Variants in HIF1A observed in about 807,000 individuals in gnomAD.
HIF1A encodes the protein hypoxia-inducible factor 1-alpha.
A neutral mutation model predicts 92.7 loss-of-function variants in HIF1A; 24 were observed. The observed-to-expected ratio is 0.26, with a 90% confidence interval of 0.19 to 0.36. HIF1A has a LOEUF of 0.36. Among genes scored for constraint, HIF1A ranks in the 10% least tolerant of loss-of-function variants. The probability of loss-of-function intolerance (pLI) is 1.00; values close to 1 mark genes in which losing one functional copy is unlikely to be tolerated. For synonymous variants in HIF1A, 319 were observed against 338.7 expected (o/e 0.94, Z 0.64); for missense variants, 799 against 998.5 (o/e 0.80, Z 2.69).
chr14:61,713,319 G>A (rs1273388769), intron 1 of HIF1A, among the ~76,000 whole-genome samples: 2 of 152,168 alleles, frequency 1.3e-5, no homozygotes, highest in Admixed American at 6.6e-5. Context: ...GAGTAACAGT[G>A]GTTAGCAATA....
At chr14:61,709,085 C>T (rs947331583) in intron 1 of HIF1A, among the ~76,000 whole-genome samples, 8 of 151,962 alleles carry the variant, frequency 5.3e-5, no homozygotes, top group East Asian at 1.9e-4. Context: ...TTAGTAGAGA[C>T]GGGGTTTCTC....
intron 4 of HIF1A, among the ~76,000 whole-genome samples, chr14:61,723,231 T>C (rs1347449005): frequency 1.3e-5 from 2 of 152,238 alleles, no homozygotes; most frequent in Non-Finnish European, 2.9e-5. Context: ...ATTGAGAGAA[T>C]GCTGTGTGCC....
chr14:61,744,376 A>G (rs538923376), intron 12 of HIF1A, among the ~76,000 whole-genome samples: 2 of 152,142 alleles, frequency 1.3e-5, no homozygotes, highest in South Asian at 4.2e-4. Flanking sequence ...ATATGTATAT[A>G]TAAATTAGTC....
At chr14:61,719,732 T>TC (rs2044403937) in intron 1 of HIF1A, among the ~76,000 whole-genome samples, 1 of 152,244 alleles carries the variant, frequency 6.6e-6, no homozygotes, top group East Asian at 1.9e-4. Context: ...CAGCTTTTTT[T>TC]CTTCCATATT....
intron 1 of HIF1A, among the ~76,000 whole-genome samples, chr14:61,704,353 A>G (rs1454337186): frequency 6.6e-6 from 1 of 152,172 alleles, no homozygotes; most frequent in Non-Finnish European, 1.5e-5. Context: ...TTCCATAAAC[A>G]TCTGGCCTTT....
chr14:61,721,195 C>A (rs1309919646), intron 2 of HIF1A, among the ~76,000 whole-genome samples: 1 of 152,148 alleles, frequency 6.6e-6, no homozygotes, highest in Non-Finnish European at 1.5e-5. Context: ...AAGCCGAGAT[C>A]AAGCCACTGC....
Position 61,695,753 on chromosome 14 carries a change from G to A in HIF1A, c.-52G>A. On this transcript the variant is annotated 5_prime_UTR_variant, in exon 1 of 15. Transcript: ENST00000337138. ...GTGGAGGGAGCCAGCGCTTAGGCCG[G>A]AGCGAGCCTGGGGGCCGCCCGCCGT... 1 of 1,561,316 alleles carries A rather than the reference G, an allele frequency of 6.4e-7. No individual in the cohort carries two copies. Among genetic ancestry groups the A allele is most frequent in the Non-Finnish European group, 8.7e-7 (1 of 1,153,372 alleles).
chr14:61,724,380 T>TCTCTCTCTCTCTCTCTCTCTCTCTCC (rs771152491), intron 4 of HIF1A, among the ~76,000 whole-genome samples: 4 of 139,622 alleles, frequency 2.9e-5, no homozygotes, highest in Non-Finnish European at 6.2e-5. Flanking sequence ...TCTCTCTCTC[T>TCTCTCTCTCTCTCTCTCTCTCTCTCC]CCCCCTCCCT....
intron 12 of HIF1A, among the ~76,000 whole-genome samples, chr14:61,743,861 G>T (rs1256002761): frequency 6.6e-6 from 1 of 152,158 alleles, no homozygotes; most frequent in African/African-American, 2.4e-5. Context: ...GGGAGGGGAG[G>T]TAGGGATCTG....
intron 12 of HIF1A, among the ~76,000 whole-genome samples, chr14:61,741,486 C>T (rs2044711831): frequency 6.6e-6 from 1 of 151,880 alleles, no homozygotes; most frequent in Non-Finnish European, 1.5e-5. Context: ...CTGCCTCAGC[C>T]TCCCGAGTAG....
At position 61,721,873 on chromosome 14, in the gene HIF1A, TAA is replaced by T. The variant is rs754051186; in HGVS notation, c.457+51_457+52del. Reference sequence around the variant, plus strand: ...TAATGTGACAGGTGGTTTTACATAATAAGATACTATTGCTAATTATTAAACTT... The same window carrying T: ...TAATGTGACAGGTGGTTTTACATAATGATACTATTGCTAATTATTAAACTT... On this transcript the variant is annotated intron_variant, in intron 4 of 14. Coordinates refer to ENST00000337138, the MANE Select transcript of HIF1A (RefSeq NM_001530.4). The T allele has an allele frequency of 1.0e-5, 13 of 1,261,792 alleles. No individual in the cohort carries two copies. The South Asian group carries it at 1.3e-4, about 13-fold the overall frequency. The allele number at this position is 1,261,792 out of a possible 1,614,324, so 78.2% of individuals were successfully genotyped here. A position where few individuals can be genotyped will look rare whatever the true frequency, so the allele number is the denominator to read the frequency against.
rs1159499765 is a variant in HIF1A at position 61,737,282 on chromosome 14, TA to T, written c.1249+174del. On this transcript the variant is annotated intron_variant, in intron 9 of 14. Transcript: ENST00000337138. ...AAATATTTTTGCCCCCGTAATTTCT[TA>T]CCATTCTTGCTTTTTTATACTGTTG... 3.3e-5 allele frequency among the ~76,000 whole-genome samples: 5 copies of T among 152,246 alleles called. No homozygotes were observed. The East Asian group carries it at 9.6e-4, about 29-fold the overall frequency.
Position 61,697,367 on chromosome 14 carries a change from C to G in HIF1A, c.35+1528C>G, listed in dbSNP as rs538964998. 5.3e-5 allele frequency among the ~76,000 whole-genome samples: 8 copies of G among 152,230 alleles called. No individual in the cohort carries two copies. In the East Asian group the frequency reaches 1.3e-3, roughly 26 times the overall value. On this transcript the variant is annotated intron_variant, in intron 1 of 14. Transcript: ENST00000337138. Reference sequence around the variant, plus strand: ...AATGATAAAGCTGCTATATTGTAAACCTAAGGCAGATTACCTCTGTGTAGT... The same window carrying G: ...AATGATAAAGCTGCTATATTGTAAAGCTAAGGCAGATTACCTCTGTGTAGT...
intron 1 of HIF1A, chr14:61,697,809 G>C (rs2044133460): frequency 6.7e-7 from 1 of 1,483,146 alleles, no homozygotes; most frequent in Non-Finnish European, 8.9e-7. Flanking sequence ...GAGAGGTTGA[G>C]GGACGGAGAT....
In HIF1A at chr14:61,747,104, T is replaced by C. The variant is rs371778537; in HGVS notation, c.*19T>C. The C allele has an allele frequency of 1.3e-6, 2 of 1,593,018 alleles. No individual in the cohort carries two copies. Among genetic ancestry groups the C allele is most frequent in the Non-Finnish European group, 1.7e-6 (2 of 1,173,178 alleles). ...TAACTGAGCTTTTTCTTAATTTCAT[T>C]CCTTTTTTTGGACACTGGTGGCTCA... On this transcript the variant is annotated 3_prime_UTR_variant, in exon 15 of 15. Coordinates refer to ENST00000337138, the MANE Select transcript of HIF1A (RefSeq NM_001530.4).
At chr14:61,728,069 T>C (rs2044529590) in intron 6 of HIF1A, among the ~76,000 whole-genome samples, 1 of 151,860 alleles carries the variant, frequency 6.6e-6, no homozygotes, top group Non-Finnish European at 1.5e-5. Flanking sequence ...TTCCACTAAA[T>C]TGAACAGAAT....
rs1414630131 is a variant in HIF1A, at chr14:61,738,089, A to G, written c.1252A>G (p.Thr418Ala). ...TGACTCATATTTTTTCCCCACAGAC[A>G]CAGAAACTGATGACCAGCAACTTGA... ...IISLDFGSND[T>A]ETDDQQLEEV... The change falls in exon 10 of 15, where the codon ACA (threonine) becomes GCA (alanine). Residue 418 changes from threonine to alanine, a missense_variant and splice_region_variant. Physicochemically the swap from Thr to Ala is moderately conservative, Grantham distance 58. This residue lies in a region of HIF1A where 516 missense variants were observed against 721.0 expected (regional missense o/e 0.72). Coordinates refer to ENST00000337138, the MANE Select transcript of HIF1A (RefSeq NM_001530.4). The G allele has an allele frequency of 1.9e-6, 3 of 1,593,252 alleles. No homozygotes were observed. In the African/African-American group the frequency reaches 4.1e-5, roughly 22 times the overall value.
Position 61,722,129 on chromosome 14 carries a change from AT to A in HIF1A, c.457+307del, listed in dbSNP as rs1172686380. 6.5e-4 allele frequency among the ~76,000 whole-genome samples: 98 copies of A among 149,718 alleles called. 1 individual carries two copies. Among genetic ancestry groups the A allele is most frequent in the Middle Eastern group, 6.8e-3 (2 of 292 alleles). On this transcript the variant is annotated intron_variant, in intron 4 of 14. Coordinates refer to ENST00000337138, the MANE Select transcript of HIF1A (RefSeq NM_001530.4). ...AAGATGGGGTCTCGCTCTTTTGCCC[AT>A]GCTGGAGTGCAGTGGCACAATCAGC... is the stretch of plus-strand genomic sequence containing the variant.
In HIF1A at chr14:61,747,876, G is replaced by A. The variant is rs2044813837; in HGVS notation, c.*791G>A. The A allele has an allele frequency of 6.6e-6, 1 of 152,360 alleles. No individual in the cohort carries two copies. The highest frequency in any genetic ancestry group is 6.6e-5 in the Admixed American group (1 of 15,260). 9.4% of individuals were successfully genotyped at this position (152,360 alleles called of 1,614,324 possible). A position where few individuals can be genotyped will look rare whatever the true frequency, so the allele number is the denominator to read the frequency against. ...GAAAACAATACCCTATGTAGTTGTG[G>A]AAGTTTATGCTAATATTGTGTAACT... On this transcript the variant is annotated 3_prime_UTR_variant, in exon 15 of 15. Coordinates refer to ENST00000337138, the MANE Select transcript of HIF1A (RefSeq NM_001530.4).
Sources: gnomAD v4.1 joint callset for allele counts (sites outside exome capture counted in the v4.1 genomes callset) on GRCh38, gnomAD v4.1.1 for gene constraint, gnomAD v4.1.1 regional missense constraint, MANE v1.5 for transcripts, NCBI Gene and HGNC (gene_info 2026-07-23, HGNC 2026-07-21) for gene names.